The following RHBDD1 variants were observed in gnomAD, a reference collection of about 807,000 sequenced individuals.
RHBDD1 encodes the protein rhomboid domain containing 1, also known as rhomboid-related protein 4.
RHBDD1 carries 38 observed loss-of-function variants against 36.3 expected under a neutral mutation model. That is an observed-to-expected ratio of 1.05 (90% CI 0.81 to 1.37). RHBDD1 has a LOEUF of 1.37. Among genes scored for constraint, RHBDD1 ranks in the 40% most tolerant of loss-of-function variants. The pLI, the probability that RHBDD1 is intolerant of heterozygous loss-of-function variation, is 0.00. For synonymous variants in RHBDD1, 151 were observed against 136.5 expected (o/e 1.11, Z -0.74); for missense variants, 393 against 377.6 (o/e 1.04, Z -0.34).
At chr2:226,988,582 A>G (rs1369552701) in intron 8 of RHBDD1, 1 of 1,382,818 alleles carries the variant, frequency 7.2e-7, no homozygotes, top group Non-Finnish European at 9.4e-7. Flanking sequence ...CATCAGAAAC[A>G]TCAGAAGAGG....
At chr2:226,981,232 G>A (rs908077300) in intron 8 of RHBDD1, among the ~76,000 whole-genome samples, 4 of 152,172 alleles carry the variant, frequency 2.6e-5, no homozygotes, top group African/African-American at 7.2e-5. Flanking sequence ...TGAGGGATGG[G>A]GGAGGGATAG....
rs115125502 is a variant in RHBDD1 at position 226,973,930 on chromosome 2, A to C, written c.857-21501A>C. Among the ~76,000 whole-genome samples the C allele has an allele frequency of 8.5e-5, 13 of 152,252 alleles. No individual in the cohort carries two copies. In the East Asian group the frequency reaches 2.1e-3, roughly 25 times the overall value. On this transcript the variant is annotated intron_variant, in intron 8 of 8. Coordinates refer to ENST00000392062, the MANE Select transcript of RHBDD1 (RefSeq NM_001167608.3). ...CCCTGAGAATCTCCTTTTCGTTCGC[A>C]TGGGCTCTTTGATAGCAGAGTGGCT...
At chr2:226,822,651 A>G in the RHBDD1 span, among the ~76,000 whole-genome samples, 1 of 151,766 alleles carries the variant, frequency 6.6e-6, no homozygotes, top group African/African-American at 2.4e-5. Context: ...AAAAAAAAAA[A>G]AGAAAATAAA....
the RHBDD1 span, among the ~76,000 whole-genome samples, chr2:226,812,360 T>A: frequency 2.0e-5 from 3 of 152,256 alleles, no homozygotes; most frequent in African/African-American, 7.2e-5. Context: ...AAATTTTGAA[T>A]GCTGATAACA....
the RHBDD1 span, among the ~76,000 whole-genome samples, chr2:226,800,662 A>G: frequency 6.6e-6 from 1 of 152,178 alleles, no homozygotes; most frequent in Non-Finnish European, 1.5e-5. Flanking sequence ...TCCGAAGTCT[A>G]TCCGTGACTT....
At chr2:226,916,468 TACAGGACAAGTAGG>T (rs1307384457) in intron 8 of RHBDD1, among the ~76,000 whole-genome samples, 1 of 152,144 alleles carries the variant, frequency 6.6e-6, no homozygotes, top group Non-Finnish European at 1.5e-5. Context: ...CATGAAATAT[TACAGGACAAGTAGG>T]GCAGGGCAAA....
intron 5 of RHBDD1, chr2:226,895,932 T>A: frequency 3.9e-6 from 2 of 510,448 alleles, no homozygotes; most frequent in Non-Finnish European, 5.1e-6. Context: ...AACACTATTA[T>A]AAGAAGTTTG....
At chr2:226,867,079 T>A in intron 4 of RHBDD1, 107 bp from the exon 5 acceptor site, 1 of 1,141,434 alleles carries the variant, frequency 8.8e-7, no homozygotes. Context: ...AGCACAAAGT[T>A]GGATGTAATC....
At chr2:226,943,572 C>G (rs1950795095) in intron 8 of RHBDD1, among the ~76,000 whole-genome samples, 2 of 152,204 alleles carry the variant, frequency 1.3e-5, no homozygotes. Flanking sequence ...TAAGTGTACT[C>G]TAGAAGTGAC....
chr2:226,959,270 G>A (rs1952010484), intron 8 of RHBDD1, among the ~76,000 whole-genome samples: 1 of 152,126 alleles, frequency 6.6e-6, no homozygotes, highest in South Asian at 2.1e-4. Context: ...TATTAATTTG[G>A]ATATGAAATG....
At chr2:226,946,616 A>G (rs893340592) in intron 8 of RHBDD1, among the ~76,000 whole-genome samples, 2 of 152,220 alleles carry the variant, frequency 1.3e-5, no homozygotes, top group Non-Finnish European at 2.9e-5. Flanking sequence ...AAGAAAAGAG[A>G]GAAGAATCAA....
chr2:226,973,350 G>T (rs1265699572), intron 8 of RHBDD1, among the ~76,000 whole-genome samples: 2 of 152,206 alleles, frequency 1.3e-5, no homozygotes, highest in African/African-American at 4.8e-5. Context: ...TGCTAGAGAT[G>T]CTGGTGACCA....
chr2:226,873,263 T>C (rs1479601655), intron 5 of RHBDD1, among the ~76,000 whole-genome samples: 3 of 152,174 alleles, frequency 2.0e-5, no homozygotes, highest in Non-Finnish European at 4.4e-5. Flanking sequence ...CACATAAATA[T>C]ACCATGCTGA....
At chr2:226,964,521 C>T (rs1490269795) in intron 8 of RHBDD1, among the ~76,000 whole-genome samples, 1 of 152,198 alleles carries the variant, frequency 6.6e-6, no homozygotes. Context: ...AATTGTAGCT[C>T]TTCTTTTCTT....
intron 5 of RHBDD1, among the ~76,000 whole-genome samples, chr2:226,905,163 T>C (rs1035900191): frequency 6.6e-5 from 10 of 152,088 alleles, no homozygotes; most frequent in South Asian, 2.1e-4. Flanking sequence ...GCTTGGCTTT[T>C]TTTTTTTTTT....
At position 226,951,452 on chromosome 2, in the gene RHBDD1, TAG is replaced by T. The variant is rs368323010; in HGVS notation, c.856+37104_856+37105del. ...AGTGAAATTAGAAAATTTAGCAAAT[TAG>T]AGTTTTGTTTGTAAAATATTCATGA... is the stretch of plus-strand genomic sequence containing the variant. On this transcript the variant is annotated intron_variant, in intron 8 of 8. Transcript: ENST00000392062. Among the ~76,000 whole-genome samples, 406 of 152,328 alleles carry T rather than the reference TAG, an allele frequency of 2.7e-3. 5 individuals are homozygous for T. Among genetic ancestry groups the T allele is most frequent in the African/African-American group, 9.1e-3 (379 of 41,566 alleles).
intron 3 of RHBDD1, among the ~76,000 whole-genome samples, chr2:226,856,426 G>A (rs1309270134): frequency 2.0e-5 from 3 of 152,030 alleles, no homozygotes; most frequent in African/African-American, 4.8e-5. Context: ...GGAAACTAAG[G>A]CTTTTAAGAA....
rs769266229 is a variant in RHBDD1, at chr2:226,867,267, A to C, written c.515A>C (p.Asn172Thr). ...FVNILGFPVP[N>T]RFACWVELVA... The stretch of plus-strand genomic sequence containing the variant: ...AACATTTTGGGCTTTCCTGTACCGA[A>C]CAGATTTGCTTGTTGGGTCGAACTT... Residue 172 changes from asparagine to threonine, a missense_variant, in exon 5 of 9, where the codon AAC (asparagine) becomes ACC (threonine). Asn to Thr is a moderately conservative substitution (Grantham distance 65). Transcript: ENST00000392062. 3 of 1,613,780 alleles carry C rather than the reference A, an allele frequency of 1.9e-6. No individual in the cohort carries two copies.
At chr2:226,949,884 T>C (rs1261413149) in intron 8 of RHBDD1, among the ~76,000 whole-genome samples, 1 of 152,164 alleles carries the variant, frequency 6.6e-6, no homozygotes, top group South Asian at 2.1e-4. Context: ...ATAAGGATAC[T>C]AGTCAGATTG....
Sources: allele counts gnomAD v4.1 joint callset (sites outside exome capture counted in the v4.1 genomes callset), GRCh38; gene constraint gnomAD v4.1.1; transcripts MANE v1.5; gene names NCBI Gene and HGNC (gene_info 2026-07-23, HGNC 2026-07-21).